CSMD3: variants seen among roughly 807,000 people sequenced by gnomAD.
CSMD3 encodes CUB and Sushi multiple domains 3.
CSMD3 carries 177 observed loss-of-function variants against 435.2 expected under a neutral mutation model. That is an observed-to-expected ratio of 0.41 (90% confidence interval 0.36 to 0.46). The LOEUF is 0.46. Among genes scored for constraint, CSMD3 ranks in the 20% least tolerant of loss-of-function variants. The pLI is 0.34. For synonymous variants in CSMD3, 1,656 were observed against 1,520.5 expected (o/e 1.09, Z -2.07); for missense variants, 4,265 against 4,504.6 (o/e 0.95, Z 1.52).
intron 59 of CSMD3, among the ~76,000 whole-genome samples, chr8:112,266,775 T>C (rs1816988668): frequency 6.6e-6 from 1 of 152,138 alleles, no homozygotes; most frequent in Non-Finnish European, 1.5e-5. Flanking sequence ...ACTACAAAGA[T>C]TATATATGTC....
intron 27 of CSMD3, among the ~76,000 whole-genome samples, chr8:112,525,764 A>T: frequency 7.1e-6 from 1 of 141,776 alleles, no homozygotes; most frequent in East Asian, 2.0e-4. Flanking sequence ...ATATATATAT[A>T]TATATATTTA....
At chr8:112,369,801 G>C (rs1828146946) in intron 38 of CSMD3, among the ~76,000 whole-genome samples, 2 of 151,772 alleles carry the variant, frequency 1.3e-5, no homozygotes, top group Admixed American at 6.6e-5. Context: ...GATAGGTGCA[G>C]CAAACCACCA....
At chr8:113,003,550 G>T (rs2085944560) in intron 6 of CSMD3, among the ~76,000 whole-genome samples, 1 of 151,948 alleles carries the variant, frequency 6.6e-6, no homozygotes, top group African/African-American at 2.4e-5. Flanking sequence ...TAATATCTTA[G>T]TACCAATATT....
chr8:112,292,721 G>A lies in CSMD3; in HGVS notation c.8615-11C>T, dbSNP rs946280045. ...GACCACAGCTAACAGCTAATAAGAT[G>A]TGGCAGGAGGACAGGGAAGGAAACA... On this transcript the variant is annotated splice_polypyrimidine_tract_variant and intron_variant, in intron 54 of 70. Coordinates refer to ENST00000297405, the MANE Select transcript of CSMD3 (RefSeq NM_198123.2). 1 of 1,612,476 alleles carries A rather than the reference G, an allele frequency of 6.2e-7. No homozygotes were observed. Among genetic ancestry groups the A allele is most frequent in the Admixed American group, 1.7e-5 (1 of 59,964 alleles).
intron 10 of CSMD3, among the ~76,000 whole-genome samples, chr8:112,916,694 G>A (rs776213014): frequency 4.6e-5 from 7 of 151,820 alleles, no homozygotes; most frequent in Non-Finnish European, 1.0e-4. Context: ...ATGTTCTTGG[G>A]CAAAATTTTC....
intron 4 of CSMD3, among the ~76,000 whole-genome samples, chr8:113,122,918 CA>C (rs1269193199): frequency 6.7e-6 from 1 of 150,270 alleles, no homozygotes; most frequent in African/African-American, 2.4e-5. Context: ...TATTGTCAGG[CA>C]GGAGGAAGCT....
intron 27 of CSMD3, among the ~76,000 whole-genome samples, chr8:112,531,228 A>T (rs1190928800): frequency 6.6e-6 from 1 of 152,116 alleles, no homozygotes; most frequent in Non-Finnish European, 1.5e-5. Context: ...ATTTCAGGCC[A>T]CTGCTCCCAT....
rs78181017 is a variant in CSMD3 at position 113,018,643 on chromosome 8, A to G, written c.1030+424T>C. 904 of 175,992 alleles carry G rather than the reference A, an allele frequency of 5.1e-3. 6 individuals carry two copies. Among genetic ancestry groups the G allele is most frequent in the Non-Finnish European group, 8.2e-3 (671 of 81,942 alleles). 10.9% of individuals were successfully genotyped at this position (175,992 alleles called of 1,614,324 possible). A position where few individuals can be genotyped will look rare whatever the true frequency, so the allele number is the denominator to read the frequency against. On this transcript the variant is annotated intron_variant, in intron 6 of 70. Coordinates refer to ENST00000297405, the MANE Select transcript of CSMD3 (RefSeq NM_198123.2). ...AATTATTTATGTTAACACAATTGGT[A>G]GATAAAACTCCTAACAAGGTTAATT...
intron 13 of CSMD3, among the ~76,000 whole-genome samples, chr8:112,795,997 CA>C: frequency 6.6e-6 from 1 of 151,988 alleles, no homozygotes; most frequent in East Asian, 1.9e-4. Context: ...TATGTGAAAT[CA>C]GATGGTTTTT....
chr8:112,786,779 G>A (rs181397499), intron 13 of CSMD3, among the ~76,000 whole-genome samples: 7 of 152,132 alleles, frequency 4.6e-5, no homozygotes, highest in African/African-American at 1.7e-4. Flanking sequence ...GGATACATGT[G>A]CAGAATGTTC....
intron 3 of CSMD3, among the ~76,000 whole-genome samples, chr8:113,263,559 A>G (rs1180268357): frequency 2.6e-5 from 4 of 151,866 alleles, no homozygotes; most frequent in African/African-American, 9.7e-5. Context: ...ACTTTGCAAG[A>G]ACTAAAATTA....
intron 6 of CSMD3, among the ~76,000 whole-genome samples, chr8:112,978,603 T>G (rs2084937999): frequency 6.6e-6 from 1 of 151,992 alleles, no homozygotes; most frequent in Non-Finnish European, 1.5e-5. Flanking sequence ...TTCAGTACTA[T>G]TCCCTTAACC....
intron 5 of CSMD3, among the ~76,000 whole-genome samples, chr8:113,056,511 T>C (rs1177151571): frequency 6.6e-6 from 1 of 152,220 alleles, no homozygotes; most frequent in Non-Finnish European, 1.5e-5. Flanking sequence ...ACTGGAACTT[T>C]TGATGTTTTC....
intron 58 of CSMD3, among the ~76,000 whole-genome samples, chr8:112,285,870 C>T (rs1819146206): frequency 6.6e-6 from 1 of 151,942 alleles, no homozygotes; most frequent in African/African-American, 2.4e-5. Flanking sequence ...AGGCATATGC[C>T]ACCACACCTG....
intron 38 of CSMD3, among the ~76,000 whole-genome samples, chr8:112,357,227 A>G (rs531265854): frequency 6.6e-6 from 1 of 152,274 alleles, no homozygotes; most frequent in Non-Finnish European, 1.5e-5. Context: ...GTTATGTTTT[A>G]GCAAAGAGAC....
intron 1 of CSMD3, among the ~76,000 whole-genome samples, chr8:113,396,172 G>C (rs536736433): frequency 2.6e-5 from 4 of 152,266 alleles, no homozygotes; most frequent in Admixed American, 2.6e-4. Context: ...ATAGTGCTCA[G>C]ATTTTGTAGC....
intron 5 of CSMD3, among the ~76,000 whole-genome samples, chr8:113,062,732 T>C (rs1263917654): frequency 4.6e-5 from 7 of 151,822 alleles, no homozygotes; most frequent in Non-Finnish European, 1.0e-4. Flanking sequence ...GTGTAACTGT[T>C]GAGGAAAAGC....
chr8:112,905,459 T>A (rs1224894215), intron 10 of CSMD3, among the ~76,000 whole-genome samples: 1 of 151,294 alleles, frequency 6.6e-6, no homozygotes, highest in East Asian at 2.0e-4. Flanking sequence ...CTGCTTTTGT[T>A]CTGGAATATC....
chr8:112,270,359 T>TGTGTGTGTTAGGGGTGA (rs1817378323), intron 59 of CSMD3, among the ~76,000 whole-genome samples: 1 of 130,906 alleles, frequency 7.6e-6, no homozygotes, highest in Non-Finnish European at 1.5e-5. Context: ...TGTGTGTGTG[T>TGTGTGTGTTAGGGGTGA]GTGTGTGTGT....
Sources: allele counts gnomAD v4.1 joint callset (sites outside exome capture counted in the v4.1 genomes callset), GRCh38; gene constraint gnomAD v4.1.1; transcripts MANE v1.5; gene names NCBI Gene and HGNC (gene_info 2026-07-23, HGNC 2026-07-21).